The following HSPH1 variants were observed in gnomAD, a reference collection of about 807,000 sequenced individuals.
HSPH1 encodes heat shock protein 105 kDa.
A neutral mutation model predicts 100.0 loss-of-function variants in HSPH1; 40 were observed. The ratio of observed to expected loss-of-function variants is 0.40; its 90% CI spans 0.31 to 0.52. The LOEUF (loss-of-function observed/expected upper bound fraction) is 0.52. HSPH1 is among the 20% of genes least tolerant of loss of function. The probability of loss-of-function intolerance (pLI) is 0.54; values close to 1 mark genes in which losing one functional copy is unlikely to be tolerated. For synonymous variants in HSPH1, 403 were observed against 344.0 expected, an observed-to-expected ratio of 1.17 and a Z score of -1.90; for missense variants, 876 against 1,015.1, an observed-to-expected ratio of 0.86 and a Z score of 1.86.
At chr13:31,161,910 G>T (rs542373887), upstream of HSPH1, 1 of 1,511,944 alleles carries the variant, frequency 6.6e-7, no homozygotes, top group East Asian at 2.5e-5. Flanking sequence ...GACCCAAAAG[G>T]GGAGGTCCCA....
chr13:31,139,837 A>G (rs1184262956), intron 14 of HSPH1, among the ~76,000 whole-genome samples: 2 of 152,064 alleles, frequency 1.3e-5, no homozygotes, highest in East Asian at 3.9e-4. Context: ...ATGAGATGAA[A>G]CAATGACAGG....
At chr13:31,156,836 G>C (rs575260265) in intron 2 of HSPH1, among the ~76,000 whole-genome samples, 1 of 152,108 alleles carries the variant, frequency 6.6e-6, no homozygotes. Context: ...CACAACTGGC[G>C]CACGTTTGTT....
chr13:31,161,248 T>C (rs1385415745), intron 1 of HSPH1, among the ~76,000 whole-genome samples: 1 of 152,136 alleles, frequency 6.6e-6, no homozygotes, highest in Non-Finnish European at 1.5e-5. Flanking sequence ...ACTCTGGGAC[T>C]CCTCTCACCC....
intron 2 of HSPH1, among the ~76,000 whole-genome samples, chr13:31,156,653 T>C (rs936725277): frequency 2.0e-5 from 3 of 152,176 alleles, no homozygotes; most frequent in Non-Finnish European, 4.4e-5. Flanking sequence ...AATGCATGGA[T>C]CGCTACCTTT....
chr13:31,153,090 T>A (rs1956546665), intron 4 of HSPH1, 139 bp from the exon 5 acceptor site: 5 of 593,434 alleles, frequency 8.4e-6, no homozygotes, highest in Non-Finnish European at 1.5e-5. Context: ...GGGCTTTAGT[T>A]TTCTGCAAGC....
chr13:31,151,128 G>T lies in HSPH1; in HGVS notation c.727C>A (p.His243Asn), dbSNP rs1200289547. The T allele has an allele frequency of 6.2e-7, 1 of 1,613,258 alleles. No individual in the cohort carries two copies. The highest frequency in any genetic ancestry group is 8.5e-7 in the Non-Finnish European group (1 of 1,179,524). Residue 243 changes from histidine (H) to asparagine (N), a missense_variant, in exon 7 of 18, where the codon CAT becomes AAT. Coordinates refer to ENST00000320027, the MANE Select transcript of HSPH1 (RefSeq NM_006644.4). ...TTAGTTTTAAATTCTGCACAAAAAT[G>T]TTCCACTAACTTTTCATCGAAGTTT... Reference protein sequence around the residue: ...GKNFDEKLVEHFCAEFKTKYK... With the variant: ...GKNFDEKLVENFCAEFKTKYK...
In HSPH1 at chr13:31,151,070, G is replaced by A. The variant is rs1323948014; in HGVS notation, c.785C>T (p.Ala262Val). 6 of 1,613,702 alleles carry A rather than the reference G, an allele frequency of 3.7e-6. No individual in the cohort carries two copies. The highest frequency in any genetic ancestry group is 5.1e-6 in the Non-Finnish European group (6 of 1,179,826). The change falls in exon 7 of 18, where the codon GCA (alanine) becomes GTA (valine). Residue 262 changes from alanine (A) to valine (V), a missense_variant. Ala to Val is a moderately conservative substitution (Grantham distance 64). Transcript: ENST00000320027. ...ACATTCCTGATACAGACGTAGGAGT[G>A]CTCGTATTTTGGATTTTGCATCCAA... ...YKLDAKSKIR[A>V]LLRLYQECEK...
Position 31,138,411 on chromosome 13 carries a change from A to T in HSPH1, c.2366T>A (p.Ile789Asn), listed in dbSNP as rs1223128848. 2 of 1,612,668 alleles carry T rather than the reference A, an allele frequency of 1.2e-6. No homozygotes were observed. The highest frequency in any genetic ancestry group is 1.7e-6 in the Non-Finnish European group (2 of 1,179,154). Residue 789 changes from isoleucine to asparagine, a missense_variant, in exon 17 of 18, where the codon ATC becomes AAC. Physicochemically the swap from Ile to Asn is moderately radical, Grantham distance 149. Transcript: ENST00000320027. ...ACACGAGACAGTAACACTCACCTTGATTTTTGTTTTAATTTCCTGAGCACG... is the reference window on the plus strand; with the variant it reads ...ACACGAGACAGTAACACTCACCTTGTTTTTTGTTTTAATTTCCTGAGCACG... ...VVRAQEIKTK[I>N]KELNNTCEPV...
chr13:31,142,215 C>A (rs996875396), intron 12 of HSPH1, among the ~76,000 whole-genome samples: 2 of 152,058 alleles, frequency 1.3e-5, no homozygotes, highest in African/African-American at 4.8e-5. Context: ...TGAGGAGTTA[C>A]AATGGATTAA....
chr13:31,155,489 T>C, intron 3 of HSPH1, 25 bp downstream of exon 3: 1 of 1,574,394 alleles, frequency 6.4e-7, no homozygotes, highest in Admixed American at 1.8e-5. Flanking sequence ...GTTGGTATTT[T>C]TCTAAGGTTG....
Position 31,147,280 on chromosome 13 carries a change from G to C in HSPH1, c.1378+679C>G, listed in dbSNP as rs137926783. Among the ~76,000 whole-genome samples the C allele has an allele frequency of 6.2e-4, 95 of 152,086 alleles. 1 individual carries two copies. In the South Asian group the frequency reaches 7.3e-3, roughly 12 times the overall value. ...TTTTTAACAATACACCACAACTCTG[G>C]GTCAGAACATTTTAGCCTTTAAAGT... On this transcript the variant is annotated intron_variant, in intron 10 of 17. Coordinates refer to ENST00000320027, the MANE Select transcript of HSPH1 (RefSeq NM_006644.4).
chr13:31,148,121 A>T, intron 9 of HSPH1, 29 bp from the exon 10 acceptor site: 1 of 1,594,270 alleles, frequency 6.3e-7, no homozygotes, highest in Non-Finnish European at 8.5e-7. Context: ...GGCATTCAGC[A>T]GATGAAGAAC....
chr13:31,159,465 GA>G (rs1314890783), intron 1 of HSPH1, among the ~76,000 whole-genome samples: 1 of 152,196 alleles, frequency 6.6e-6, no homozygotes, highest in Non-Finnish European at 1.5e-5. Flanking sequence ...CGAGGGAAAG[GA>G]GTGACTAATC....
intron 13 of HSPH1, chr13:31,140,586 AAATGT>A (rs2137543344): frequency 3.9e-6 from 1 of 257,032 alleles, no homozygotes; most frequent in East Asian, 7.4e-5. Flanking sequence ...GCTACTGCTT[AAATGT>A]AATTTTGTTT....
chr13:31,162,055 AATGG>A, upstream of HSPH1: 1 of 1,536,068 alleles, frequency 6.5e-7, no homozygotes, highest in Non-Finnish European at 8.7e-7. Flanking sequence ...GATTCTACCC[AATGG>A]GCAGCCGGTC....
At chr13:31,152,253 G>T (rs1363716384) in intron 5 of HSPH1, 1 of 152,180 alleles carries the variant, frequency 6.6e-6, no homozygotes, top group Non-Finnish European at 1.5e-5. Flanking sequence ...ATATTTAACA[G>T]TTTTCCAAAA....
intron 14 of HSPH1, 99 bp downstream of exon 14, chr13:31,140,085 G>A (rs1956033767): frequency 8.5e-7 from 1 of 1,182,262 alleles, no homozygotes. Flanking sequence ...AAAAGTTTAA[G>A]TTACATAATT....
At chr13:31,141,628 G>C (rs996279314) in intron 12 of HSPH1, among the ~76,000 whole-genome samples, 1 of 152,092 alleles carries the variant, frequency 6.6e-6, no homozygotes, top group Admixed American at 6.6e-5. Context: ...GTCACCTAAG[G>C]ATAAGCTTCG....
At position 31,151,138 on chromosome 13, in the gene HSPH1, C is replaced by T. The variant is rs1391618425; in HGVS notation, c.717G>A (p.Lys239=). ...PFLGGKNFDE[K]LVEHFCAEFK... The stretch of plus-strand genomic sequence containing the variant: ...ATTCTGCACAAAAATGTTCCACTAA[C>T]TTTTCATCGAAGTTTTTTCCTCCTA... The change falls in exon 7 of 18, where the codon AAG becomes AAA. Residue 239 remains lysine, a synonymous_variant. Coordinates refer to ENST00000320027, the MANE Select transcript of HSPH1 (RefSeq NM_006644.4). 2 of 1,613,302 alleles carry T rather than the reference C, an allele frequency of 1.2e-6. No homozygotes were observed. Among genetic ancestry groups the T allele is most frequent in the Admixed American group, 1.7e-5 (1 of 59,924 alleles).
Sources: allele counts gnomAD v4.1 joint callset (sites outside exome capture counted in the v4.1 genomes callset), GRCh38; gene constraint gnomAD v4.1.1; transcripts MANE v1.5; gene names NCBI Gene and HGNC (gene_info 2026-07-23, HGNC 2026-07-21).